The following LDB2 variants were observed in gnomAD, a reference collection of about 807,000 sequenced individuals.
The protein encoded by LDB2 is LIM domain-binding protein 2.
LDB2 carries 12 observed loss-of-function variants against 44.3 expected under a neutral mutation model. The observed-to-expected ratio is 0.27, with a 90% CI of 0.17 to 0.44. The LOEUF is 0.44. Ranked by LOEUF, LDB2 falls within the 20% of genes least tolerant of loss-of-function variation. LDB2 has a pLI of 1.00. For synonymous variants in LDB2, 164 were observed against 174.8 expected (o/e 0.94, Z 0.49); for missense variants, 344 against 473.5 (o/e 0.73, Z 2.54).
intron 5 of LDB2, among the ~76,000 whole-genome samples, chr4:16,556,382 T>C (rs1166956187): frequency 1.3e-5 from 2 of 152,208 alleles, no homozygotes; most frequent in African/African-American, 2.4e-5. Context: ...ATTGATAAGC[T>C]TGGTGAGAGC....
chr4:16,591,199 G>A (rs891755814), intron 3 of LDB2, among the ~76,000 whole-genome samples: 3 of 152,298 alleles, frequency 2.0e-5, no homozygotes, highest in African/African-American at 7.2e-5. Context: ...AACCACAAAC[G>A]CAGGGCAGGT....
intron 1 of LDB2, among the ~76,000 whole-genome samples, chr4:16,891,712 C>T (rs1350601368): frequency 6.6e-6 from 1 of 152,108 alleles, no homozygotes; most frequent in Non-Finnish European, 1.5e-5. Flanking sequence ...CACTTGGTCC[C>T]TTTGAAAATT....
At chr4:16,674,653 T>C (rs1158713243) in intron 2 of LDB2, among the ~76,000 whole-genome samples, 2 of 152,140 alleles carry the variant, frequency 1.3e-5, no homozygotes, top group Admixed American at 6.5e-5. Context: ...GTCCGTCTGC[T>C]CCCCAATTTA....
intron 2 of LDB2, among the ~76,000 whole-genome samples, chr4:16,745,190 C>T (rs1764144509): frequency 6.6e-6 from 1 of 152,180 alleles, no homozygotes; most frequent in Non-Finnish European, 1.5e-5. Flanking sequence ...CCTGGAAATA[C>T]AGACTGAGTA....
At chr4:16,622,064 A>T (rs1506467) in intron 2 of LDB2, among the ~76,000 whole-genome samples, 67,079 of 152,138 alleles carry the variant, frequency 0.44, 15,125 homozygotes, top group East Asian at 0.67. Context: ...AGTAGGTGGA[A>T]AACAAATCTA....
intron 2 of LDB2, among the ~76,000 whole-genome samples, chr4:16,725,869 G>GTA (rs1465315746): frequency 5.3e-5 from 7 of 131,858 alleles, no homozygotes; most frequent in East Asian, 4.9e-4. Flanking sequence ...TTATGTGCAT[G>GTA]TATATATATA....
chr4:16,617,245 G>A (rs1560647760), intron 2 of LDB2, among the ~76,000 whole-genome samples: 1 of 151,848 alleles, frequency 6.6e-6, no homozygotes, highest in Non-Finnish European at 1.5e-5. Context: ...GCACTTTATA[G>A]AAACAAACAC....
In LDB2 at chr4:16,693,719, A is replaced by G. The variant is rs567409229; in HGVS notation, c.235+65439T>C. ...GGGACACAGTGATGCAGAGGCCAAGAAACTGTGCCATGAGGCATCCATGCC... is the reference window on the plus strand; with the variant it reads ...GGGACACAGTGATGCAGAGGCCAAGGAACTGTGCCATGAGGCATCCATGCC... On this transcript the variant is annotated intron_variant, in intron 2 of 7. Transcript: ENST00000304523. 1.1e-4 allele frequency among the ~76,000 whole-genome samples: 17 copies of G among 152,342 alleles called. 1 individual carries two copies. Among genetic ancestry groups the G allele is most frequent in the South Asian group, 8.3e-4 (4 of 4,830 alleles).
chr4:16,742,929 C>T (rs1763622834), intron 2 of LDB2, among the ~76,000 whole-genome samples: 1 of 152,190 alleles, frequency 6.6e-6, no homozygotes, highest in Admixed American at 6.5e-5. Context: ...TGCCATGCCT[C>T]CCAACCCCTA....
At chr4:16,554,434 G>T (rs568408218) in intron 5 of LDB2, among the ~76,000 whole-genome samples, 1 of 152,226 alleles carries the variant, frequency 6.6e-6, no homozygotes, top group African/African-American at 2.4e-5. Flanking sequence ...TACTGTGGAG[G>T]TCAGGAAGAC....
In LDB2 at chr4:16,757,045, A is replaced by T. The variant is rs562254679; in HGVS notation, c.235+2113T>A. On this transcript the variant is annotated intron_variant, in intron 2 of 7. Transcript: ENST00000304523. ...AGCTTTCAGCTTCCCTGGAAGCATG[A>T]AGGAAGAGCTGCAGCTTCTAGCCCC... Among the ~76,000 whole-genome samples the T allele has an allele frequency of 6.6e-5, 10 of 152,222 alleles. No individual in the cohort carries two copies. In the South Asian group the frequency reaches 2.1e-3, roughly 32 times the overall value.
chr4:16,752,220 C>T (rs1765622484), intron 2 of LDB2, among the ~76,000 whole-genome samples: 1 of 152,182 alleles, frequency 6.6e-6, no homozygotes, highest in African/African-American at 2.4e-5. Context: ...AATTTCCTTT[C>T]CTCTGGTCCT....
chr4:16,509,145 C>T (rs559497821), intron 6 of LDB2, among the ~76,000 whole-genome samples: 47 of 152,226 alleles, frequency 3.1e-4, no homozygotes, highest in African/African-American at 1.1e-3. Flanking sequence ...TAGCCAAATT[C>T]ATGAGCCAGT....
chr4:16,826,540 A>G (rs1783095411), intron 1 of LDB2: 1 of 152,220 alleles, frequency 6.6e-6, no homozygotes, highest in Admixed American at 6.5e-5. Flanking sequence ...ATTGTTATGC[A>G]AAAGACATTG....
chr4:16,836,730 A>G (rs925610657), intron 1 of LDB2, among the ~76,000 whole-genome samples: 3 of 152,168 alleles, frequency 2.0e-5, no homozygotes, highest in Non-Finnish European at 4.4e-5. Context: ...CTGTGCACAG[A>G]GTTTTACACA....
At chr4:16,777,926 A>T (rs1293387852) in intron 1 of LDB2, among the ~76,000 whole-genome samples, 1 of 152,038 alleles carries the variant, frequency 6.6e-6, no homozygotes, top group Non-Finnish European at 1.5e-5. Flanking sequence ...CCTGACTGGG[A>T]TTTATTGCTG....
At chr4:16,636,920 G>T (rs1733759275) in intron 2 of LDB2, among the ~76,000 whole-genome samples, 1 of 152,162 alleles carries the variant, frequency 6.6e-6, no homozygotes, top group Admixed American at 6.5e-5. Flanking sequence ...TATCTGTGTT[G>T]TATTAAAGTT....
chr4:16,670,519 A>C (rs572320551), intron 2 of LDB2, among the ~76,000 whole-genome samples: 1 of 152,342 alleles, frequency 6.6e-6, no homozygotes, highest in Non-Finnish European at 1.5e-5. Context: ...TACAGTCAAC[A>C]CACTAATAGC....
chr4:16,727,301 A>G (rs1255983813), intron 2 of LDB2, among the ~76,000 whole-genome samples: 1 of 152,232 alleles, frequency 6.6e-6, no homozygotes, highest in East Asian at 1.9e-4. Flanking sequence ...AGAAAGGAAG[A>G]AACAACCTCA....
Sources: allele counts gnomAD v4.1 joint callset (sites outside exome capture counted in the v4.1 genomes callset), GRCh38; gene constraint gnomAD v4.1.1; transcripts MANE v1.5; gene names NCBI Gene and HGNC (gene_info 2026-07-23, HGNC 2026-07-21).